Variants in TNRC18 observed in about 807,000 individuals in gnomAD.
TNRC18 encodes trinucleotide repeat containing 18, also known as trinucleotide repeat-containing gene 18 protein.
A neutral mutation model predicts 226.7 loss-of-function variants in TNRC18; 69 were observed. The ratio of observed to expected loss-of-function variants is 0.30; its 90% CI spans 0.25 to 0.37. The LOEUF is 0.37. Among genes scored for constraint, TNRC18 ranks in the 10% least tolerant of loss-of-function variants. TNRC18 has a pLI of 1.00. For synonymous variants in TNRC18, 2,449 were observed against 1,927.6 expected (o/e 1.27, Z -7.09); for missense variants, 4,754 against 4,256.6 (o/e 1.12, Z -3.25).
At chr7:5,319,936 C>A (rs1383227926) in intron 24 of TNRC18, among the ~76,000 whole-genome samples, 2 of 152,200 alleles carry the variant, frequency 1.3e-5, no homozygotes, top group Admixed American at 1.3e-4. Context: ...CTGACCCAGG[C>A]CCGGTCGATC....
At chr7:5,385,559 C>T (rs1202628282) in intron 5 of TNRC18, among the ~76,000 whole-genome samples, 1 of 151,842 alleles carries the variant, frequency 6.6e-6, no homozygotes, top group African/African-American at 2.4e-5. Flanking sequence ...TGGCGGGTGC[C>T]TGTGACCCCA....
intron 27 of TNRC18, among the ~76,000 whole-genome samples, chr7:5,310,342 G>A (rs1172169134): frequency 6.6e-6 from 1 of 152,110 alleles, no homozygotes; most frequent in African/African-American, 2.4e-5. Context: ...CAGTTCTCCT[G>A]CCTCAGCCTC....
In TNRC18 at chr7:5,332,753, C is replaced by G. The variant is rs770784837; in HGVS notation, c.6016G>C (p.Asp2006His). Residue 2006 changes from aspartate to histidine, a missense_variant, in exon 19 of 30, where the codon GAC (aspartate) becomes CAC (histidine). Asp to His is a moderately conservative substitution (Grantham distance 81). Coordinates refer to ENST00000430969, the MANE Select transcript of TNRC18 (RefSeq NM_001080495.3). The part of the protein sequence containing the change: ...RRRSERIFLH[D>H]ASAAAPAPVS... Reference sequence around the variant, plus strand: ...GGCGCAGGTGCAGCAGCCGAGGCGTCGTGCAGGAAGATGCGCTCGCTGCGG... The same window carrying G: ...GGCGCAGGTGCAGCAGCCGAGGCGTGGTGCAGGAAGATGCGCTCGCTGCGG... The G allele has an allele frequency of 6.6e-7, 1 of 1,520,246 alleles. No homozygotes were observed. The highest frequency in any genetic ancestry group is 1.4e-5 in the African/African-American group (1 of 70,510). 94.2% of individuals were successfully genotyped at this position (1,520,246 alleles called of 1,614,324 possible).
rs1477780668 is a variant in TNRC18, at chr7:5,313,110, C to T, written c.7781G>A (p.Gly2594Asp). 4 of 1,441,292 alleles carry T rather than the reference C, an allele frequency of 2.8e-6. No individual in the cohort carries two copies. The highest frequency in any genetic ancestry group is 3.8e-6 in the Non-Finnish European group (4 of 1,057,708). 89.3% of individuals were successfully genotyped at this position (1,441,292 alleles called of 1,614,324 possible). A position where few individuals can be genotyped will look rare whatever the true frequency, so the allele number is the denominator to read the frequency against. ...GCAGTTACGGCCCCCGGTGCCGCAG[C>T]CCCCGTCCCCGTTCTTGTCGCCTTC... Reference protein sequence around the residue: ...EEEGDKNGDGGCGTGGRNCSA... With the variant: ...EEEGDKNGDGDCGTGGRNCSA... Residue 2594 changes from glycine to aspartate, a missense_variant, in exon 27 of 30, where the codon GGC (glycine) becomes GAC (aspartate). Physicochemically the swap from Gly to Asp is moderately conservative, Grantham distance 94. Transcript: ENST00000430969.
At chr7:5,326,627 C>G (rs1788936010) in intron 19 of TNRC18, among the ~76,000 whole-genome samples, 1 of 152,048 alleles carries the variant, frequency 6.6e-6, no homozygotes, top group Admixed American at 6.6e-5. Flanking sequence ...TCTACACTTT[C>G]TAAAAGGGAC....
intron 5 of TNRC18, among the ~76,000 whole-genome samples, chr7:5,381,865 C>T (rs1230763540): frequency 6.6e-6 from 1 of 152,088 alleles, no homozygotes; most frequent in Admixed American, 6.6e-5. Context: ...ACTCAGGAAG[C>T]TGAGGCAGGA....
intron 15 of TNRC18, among the ~76,000 whole-genome samples, chr7:5,358,340 A>AT (rs1792673005): frequency 1.3e-5 from 2 of 152,152 alleles, no homozygotes; most frequent in Admixed American, 6.6e-5. Context: ...TTTTATCTCT[A>AT]TTTTCTTTAA....
chr7:5,377,872 A>G lies in TNRC18; in HGVS notation c.2255+50T>C. 1.9e-6 allele frequency: 3 copies of G among 1,575,698 alleles called. No homozygotes were observed. The highest frequency in any genetic ancestry group is 2.6e-6 in the Non-Finnish European group (3 of 1,147,974). ...GGTCATCCAGCTGCCCCTCACCCCC[A>G]GGGGCTCCTAGATACCCCCTAGACC... is the stretch of plus-strand genomic sequence containing the variant. On this transcript the variant is annotated intron_variant, in intron 6 of 29. Transcript: ENST00000430969. The surrounding 1 kb of genome is among the most constrained non-coding windows in gnomAD (Gnocchi z 5.8).
At position 5,361,722 on chromosome 7, in the gene TNRC18, C is replaced by A; in HGVS notation, c.4533G>T (p.Glu1511Asp). Residue 1511 changes from glutamate to aspartate, a missense_variant and splice_region_variant, in exon 14 of 30, where the codon GAG (glutamate) becomes GAT (aspartate). By Grantham distance (45) the Glu-to-Asp change is conservative. Coordinates refer to ENST00000430969, the MANE Select transcript of TNRC18 (RefSeq NM_001080495.3). Reference protein sequence around the residue: ...LVKLQRRRDSEDRREEPHRSL... With the variant: ...LVKLQRRRDSDDRREEPHRSL... ...TTCTATGGGGTTCCTCGCGCCTGTC[C>A]CTTAAAAAGAATCACACGCTTGGCT... 6.4e-7 allele frequency: 1 copy of A among 1,564,020 alleles called. No homozygotes were observed. Among genetic ancestry groups the A allele is most frequent in the East Asian group, 2.4e-5 (1 of 41,798 alleles).
chr7:5,383,329 T>G (rs1015390984), intron 5 of TNRC18, among the ~76,000 whole-genome samples: 2 of 152,094 alleles, frequency 1.3e-5, no homozygotes, highest in South Asian at 4.1e-4. Context: ...CAGACCTAGA[T>G]CCTATGTGAG....
In TNRC18 at chr7:5,314,020, T is replaced by C. The variant is rs571067284; in HGVS notation, c.7028-157A>G. On this transcript the variant is annotated intron_variant, in intron 26 of 29. Coordinates refer to ENST00000430969, the MANE Select transcript of TNRC18 (RefSeq NM_001080495.3). ...TCACCCAAGCTGGAATGCAGTGGCG[T>C]CATCAGGGCTCATTGCAGCCCTAAC... is the stretch of plus-strand genomic sequence containing the variant. Among the ~76,000 whole-genome samples the C allele has an allele frequency of 2.5e-4, 38 of 152,046 alleles. 1 individual carries two copies. The highest frequency in any genetic ancestry group is 3.4e-3 in the Middle Eastern group (1 of 294).
In TNRC18 at chr7:5,307,738, C is replaced by G. The variant is rs1786692519; in HGVS notation, c.*368G>C. The G allele has an allele frequency of 1.1e-5, 4 of 356,136 alleles. No homozygotes were observed. Among genetic ancestry groups the G allele is most frequent in the South Asian group, 9.1e-5 (4 of 43,914 alleles). The allele number at this position is 356,136 out of a possible 1,614,324, so 22.1% of individuals were successfully genotyped here. A position where few individuals can be genotyped will look rare whatever the true frequency, so the allele number is the denominator to read the frequency against. On this transcript the variant is annotated 3_prime_UTR_variant, in exon 30 of 30. Transcript: ENST00000430969. ...AGAAGCGCCCCTCCCCACCGAATCC[C>G]CAGTCTGCATGGACCTGGGGGCACC...
Position 5,388,857 on chromosome 7 carries a change from T to G in TNRC18, c.967A>C (p.Thr323Pro). The G allele has an allele frequency of 7.9e-7, 1 of 1,269,060 alleles. No individual in the cohort carries two copies. The allele number at this position is 1,269,060 out of a possible 1,614,324, so 78.6% of individuals were successfully genotyped here. The change falls in exon 5 of 30, where the codon ACC becomes CCC. Residue 323 changes from threonine (T) to proline (P), a missense_variant. By Grantham distance (38) the Thr-to-Pro change is conservative. Transcript: ENST00000430969. The part of the protein sequence containing the change: ...EGARLLRRTE[T>P]LLPGPRPCPS... ...CAGGGGCGCGGCCCAGGGAGCAGGG[T>G]CTCCGTGCGCCGCAGCAGCCGCGCG...
chr7:5,307,841 C>T lies in TNRC18; in HGVS notation c.*265G>A, dbSNP rs540871636. ...ACGTGCTGGGCAGGAAGGGCCGGTC[C>T]GGCCATACCCTGATAGCTAAGAGGG... On this transcript the variant is annotated 3_prime_UTR_variant, in exon 30 of 30. Coordinates refer to ENST00000430969, the MANE Select transcript of TNRC18 (RefSeq NM_001080495.3). 1.7e-3 allele frequency: 916 copies of T among 525,286 alleles called. 2 individuals carry two copies. The highest frequency in any genetic ancestry group is 2.2e-3 in the Non-Finnish European group (627 of 289,004). 32.5% of individuals were successfully genotyped at this position (525,286 alleles called of 1,614,324 possible). A position where few individuals can be genotyped will look rare whatever the true frequency, so the allele number is the denominator to read the frequency against.
In TNRC18 at chr7:5,421,104, G is replaced by A. The variant is rs1782556734; in HGVS notation, c.143C>T (p.Pro48Leu). 5 of 1,475,778 alleles carry A rather than the reference G, an allele frequency of 3.4e-6. No individual in the cohort carries two copies. The highest frequency in any genetic ancestry group is 1.4e-5 in the African/African-American group (1 of 70,270). The allele number at this position is 1,475,778 out of a possible 1,614,324, so 91.4% of individuals were successfully genotyped here. ...CAGGCCGGCCATGTACTTCCCGGGC[G>A]GCAGCGGGCCGGGCAAGCCCGAGGC... ...LPASGLPGPL[P>L]PGKYMAGLNL... The change falls in exon 2 of 30, where the codon CCG (proline) becomes CTG (leucine). Residue 48 changes from proline to leucine, a missense_variant. Pro to Leu is a moderately conservative substitution (Grantham distance 98). Coordinates refer to ENST00000430969, the MANE Select transcript of TNRC18 (RefSeq NM_001080495.3).
intron 2 of TNRC18, among the ~76,000 whole-genome samples, chr7:5,416,124 A>AAG (rs1439420213): frequency 6.8e-6 from 1 of 147,790 alleles, no homozygotes; most frequent in African/African-American, 2.5e-5. Flanking sequence ...AAAAAAAAAA[A>AAG]AAAAAATCAG....
rs552158398 is a variant in TNRC18, at chr7:5,398,355, A to G, written c.188-3760T>C. 1.4e-3 allele frequency among the ~76,000 whole-genome samples: 212 copies of G among 152,236 alleles called. 5 individuals are homozygous for G. The South Asian group carries it at 0.023, about 17-fold the overall frequency. The stretch of plus-strand genomic sequence containing the variant: ...CTGGCTAATTTTGTATTTTTAGTAA[A>G]GATGAGGTTTCTCAATGTTGGTCAG... On this transcript the variant is annotated intron_variant, in intron 2 of 29. Transcript: ENST00000430969.
intron 5 of TNRC18, among the ~76,000 whole-genome samples, chr7:5,382,053 C>G (rs1779433387): frequency 6.6e-6 from 1 of 152,116 alleles, no homozygotes; most frequent in South Asian, 2.1e-4. Flanking sequence ...CCCAGCAGGG[C>G]CCCAGGCCAC....
chr7:5,343,406 G>A (rs961295060), intron 18 of TNRC18, among the ~76,000 whole-genome samples: 17 of 152,264 alleles, frequency 1.1e-4, no homozygotes, highest in Admixed American at 2.0e-4. Flanking sequence ...ACAGGATAGT[G>A]TAAACATATG....
Sources: allele counts gnomAD v4.1 joint callset (sites outside exome capture counted in the v4.1 genomes callset), GRCh38; gene constraint gnomAD v4.1.1; non-coding constraint Gnocchi (gnomAD v3.1); transcripts MANE v1.5; gene names NCBI Gene and HGNC (gene_info 2026-07-23, HGNC 2026-07-21).